Variants in TUSC3 observed in about 807,000 individuals in gnomAD.
TUSC3 encodes dolichyl-diphosphooligosaccharide--protein glycosyltransferase subunit TUSC3.
A neutral mutation model predicts 44.8 loss-of-function variants in TUSC3; 45 were observed. The observed-to-expected ratio is 1.00, with a 90% CI of 0.79 to 1.29. The LOEUF is 1.29. TUSC3 is among the 50% of genes most tolerant of loss of function. TUSC3 has a pLI of 0.00. For missense variants in TUSC3, 519 were observed against 437.9 expected, an observed-to-expected ratio of 1.19 and a Z score of -1.65; for synonymous variants, 212 against 152.9, an observed-to-expected ratio of 1.39 and a Z score of -2.85.
At chr8:15,734,888 A>T (rs377122376) in intron 7 of TUSC3, among the ~76,000 whole-genome samples, 2 of 152,312 alleles carry the variant, frequency 1.3e-5, no homozygotes, top group Middle Eastern at 3.4e-3. Context: ...AATTTTGAGG[A>T]GATTGGTGAA....
chr8:15,814,957 ATTGT>A, the TUSC3 span, among the ~76,000 whole-genome samples: 5 of 152,178 alleles, frequency 3.3e-5, no homozygotes, highest in East Asian at 9.6e-4. Flanking sequence ...GCTACAACAA[ATTGT>A]TTGTTGTTTA....
chr8:15,846,902 T>A, the TUSC3 span, among the ~76,000 whole-genome samples: 1 of 149,676 alleles, frequency 6.7e-6, no homozygotes, highest in African/African-American at 2.5e-5. Flanking sequence ...ACACACACAA[T>A]TTAAGCCAAA....
chr8:15,462,318 A>C (rs1468875227), intron 1 of TUSC3, among the ~76,000 whole-genome samples: 3 of 152,134 alleles, frequency 2.0e-5, no homozygotes, highest in Non-Finnish European at 4.4e-5. Flanking sequence ...CTCAATAATA[A>C]AGAAACAGAT....
chr8:15,435,643 T>C (rs1799935959), intron 1 of TUSC3, among the ~76,000 whole-genome samples: 1 of 152,196 alleles, frequency 6.6e-6, no homozygotes. Flanking sequence ...TTAAAATGTA[T>C]GTATAAATTG....
chr8:15,477,885 A>T (rs879597208), intron 1 of TUSC3, among the ~76,000 whole-genome samples: 4 of 152,106 alleles, frequency 2.6e-5, no homozygotes, highest in African/African-American at 4.8e-5. Flanking sequence ...ACTATTTTCC[A>T]ACTAGGCTCC....
At chr8:15,688,227 C>A (rs1294728840) in intron 6 of TUSC3, among the ~76,000 whole-genome samples, 1 of 151,944 alleles carries the variant, frequency 6.6e-6, no homozygotes, top group Non-Finnish European at 1.5e-5. Flanking sequence ...TATATACATT[C>A]AGGATTGAAA....
chr8:15,832,567 C>G, the TUSC3 span, among the ~76,000 whole-genome samples: 1 of 152,116 alleles, frequency 6.6e-6, no homozygotes, highest in Admixed American at 6.5e-5. Flanking sequence ...CCAACAGGCT[C>G]AAAATAAAGA....
the TUSC3 span, among the ~76,000 whole-genome samples, chr8:15,819,463 T>A: frequency 6.6e-6 from 1 of 152,214 alleles, no homozygotes; most frequent in Admixed American, 6.5e-5. Flanking sequence ...TCCTAATTTA[T>A]ATTTACATCT....
intron 2 of TUSC3, among the ~76,000 whole-genome samples, chr8:15,485,533 C>T (rs1800722844): frequency 6.9e-6 from 1 of 143,960 alleles, no homozygotes; most frequent in Non-Finnish European, 1.5e-5. Flanking sequence ...CACTTGCATT[C>T]TCTGCTCCTC....
intron 6 of TUSC3, among the ~76,000 whole-genome samples, chr8:15,692,371 C>CTTTT (rs1563175847): frequency 3.7e-4 from 7 of 18,808 alleles, no homozygotes; most frequent in African/African-American, 5.3e-4. Context: ...CCCCCCCCCC[C>CTTTT]TTTGTTTTTT....
chr8:15,680,257 A>G (rs1217387350), intron 6 of TUSC3, among the ~76,000 whole-genome samples: 1 of 151,882 alleles, frequency 6.6e-6, no homozygotes, highest in Non-Finnish European at 1.5e-5. Context: ...TCTATGATTT[A>G]TTTCAGCAGT....
At chr8:15,578,872 A>T (rs1803214498) in intron 1 of TUSC3, among the ~76,000 whole-genome samples, 1 of 151,932 alleles carries the variant, frequency 6.6e-6, no homozygotes, top group South Asian at 2.1e-4. Context: ...TATTGATTGG[A>T]ATAGTTTCAG....
At chr8:15,699,543 G>T (rs747606178) in intron 6 of TUSC3, among the ~76,000 whole-genome samples, 5 of 152,116 alleles carry the variant, frequency 3.3e-5, no homozygotes, top group Non-Finnish European at 7.4e-5. Flanking sequence ...AAAAAATGCT[G>T]TTTGCTCCAG....
At chr8:15,656,395 A>G (rs1422485312) in intron 3 of TUSC3, among the ~76,000 whole-genome samples, 3 of 152,222 alleles carry the variant, frequency 2.0e-5, no homozygotes, top group African/African-American at 7.2e-5. Flanking sequence ...TAGAACAGGC[A>G]TTGAATAGAC....
At chr8:15,506,285 G>C (rs1347750300) in intron 2 of TUSC3, among the ~76,000 whole-genome samples, 3 of 152,144 alleles carry the variant, frequency 2.0e-5, no homozygotes, top group Non-Finnish European at 4.4e-5. Flanking sequence ...GCTAGTTCTA[G>C]AAACTAAATC....
At chr8:15,838,505 A>G in the TUSC3 span, among the ~76,000 whole-genome samples, 1 of 152,064 alleles carries the variant, frequency 6.6e-6, no homozygotes, top group Non-Finnish European at 1.5e-5. Context: ...TTCAAATCCA[A>G]ATGTTGGCCC....
At chr8:15,738,827 C>CTTTTTTTTTTTTTTCTTTT (rs1563198661) in intron 7 of TUSC3, among the ~76,000 whole-genome samples, 9 of 87,158 alleles carry the variant, frequency 1.0e-4, no homozygotes, top group Non-Finnish European at 1.9e-4. Flanking sequence ...ATATATCTTG[C>CTTTTTTTTTTTTTTCTTTT]TTTTTTTTTT....
At chr8:15,718,966 T>C (rs1380203555) in intron 6 of TUSC3, among the ~76,000 whole-genome samples, 2 of 152,012 alleles carry the variant, frequency 1.3e-5, no homozygotes, top group Non-Finnish European at 1.5e-5. Context: ...TTAAAATATA[T>C]TCAGGATCAG....
At chr8:15,504,609 ATATATATATATATTTTTTTTTT>A (rs1161080908) in intron 2 of TUSC3, among the ~76,000 whole-genome samples, 4 of 25,990 alleles carry the variant, frequency 1.5e-4, no homozygotes, top group African/African-American at 5.8e-4. Context: ...ATATATATAT[ATATATATATATATTTTTTTTTT>A]TTTTTTTTTT....
Sources: allele counts gnomAD v4.1 joint callset (sites outside exome capture counted in the v4.1 genomes callset), GRCh38; gene constraint gnomAD v4.1.1; transcripts MANE v1.5; gene names NCBI Gene and HGNC (gene_info 2026-07-23, HGNC 2026-07-21).